Variants in SHANK2 observed in about 807,000 individuals in gnomAD.
The protein encoded by SHANK2 is SH3 and multiple ankyrin repeat domains protein 2.
A neutral mutation model predicts 133.7 loss-of-function variants in SHANK2; 43 were observed. The ratio of observed to expected loss-of-function variants is 0.32; its 90% CI spans 0.25 to 0.41. The LOEUF (loss-of-function observed/expected upper bound fraction) is 0.41. Among genes scored for constraint, SHANK2 ranks in the 10% least tolerant of loss-of-function variants. The probability of loss-of-function intolerance (pLI) is 1.00; values close to 1 mark genes in which losing one functional copy is unlikely to be tolerated. For synonymous variants in SHANK2, 1,017 were observed against 952.8 expected (o/e 1.07, Z -1.24); for missense variants, 1,994 against 2,235.8 (o/e 0.89, Z 2.18).
intron 17 of SHANK2, among the ~76,000 whole-genome samples, chr11:70,574,967 T>G (rs2060097070): frequency 6.6e-6 from 1 of 152,178 alleles, no homozygotes; most frequent in Admixed American, 6.5e-5. Flanking sequence ...GAGTCCCATC[T>G]GTCCTTCAGG....
intron 14 of SHANK2, among the ~76,000 whole-genome samples, chr11:70,723,090 G>A (rs1463706814): frequency 6.6e-6 from 1 of 152,114 alleles, no homozygotes; most frequent in African/African-American, 2.4e-5. Flanking sequence ...GGTCCTTGTG[G>A]TAGACAAACT....
intron 25 of SHANK2, among the ~76,000 whole-genome samples, chr11:70,484,406 G>A (rs782641516): frequency 2.0e-5 from 3 of 151,982 alleles, no homozygotes; most frequent in Non-Finnish European, 4.4e-5. Flanking sequence ...TACCTCCCCC[G>A]ACTCCCTCTT....
intron 17 of SHANK2, among the ~76,000 whole-genome samples, chr11:70,649,289 C>A (rs2061310938): frequency 6.6e-6 from 1 of 152,162 alleles, no homozygotes; most frequent in Admixed American, 6.5e-5. Context: ...CCATGGGACC[C>A]ATCTGAAGAT....
At chr11:70,928,170 C>T (rs1446924806) in intron 10 of SHANK2, among the ~76,000 whole-genome samples, 7 of 152,068 alleles carry the variant, frequency 4.6e-5, no homozygotes, top group Admixed American at 2.0e-4. Context: ...AACTGCATGC[C>T]CTGAAACCCA....
intron 15 of SHANK2, among the ~76,000 whole-genome samples, chr11:70,663,096 G>A (rs114109642): frequency 0.013 from 2,010 of 152,252 alleles, 36 homozygotes; most frequent in African/African-American, 0.035. Flanking sequence ...CCAGGCCAGC[G>A]GCCCAGCCGG....
chr11:70,487,228 C>T lies in SHANK2; in HGVS notation c.3065G>A (p.Ser1022Asn), dbSNP rs1555154287. The T allele has an allele frequency of 6.2e-7, 1 of 1,614,122 alleles. No homozygotes were observed. Among genetic ancestry groups the T allele is most frequent in the Admixed American group, 1.7e-5 (1 of 60,028 alleles). Reference protein sequence around the residue: ...MLVKQSNVEDSPEKTCSIPIP... With the variant: ...MLVKQSNVEDNPEKTCSIPIP... ...AGGGATGGAGCACGTCTTCTCGGGG[C>T]TGTCCTCCACGTTGGACTGCTTCAC... Residue 1022 changes from serine (S) to asparagine (N), a missense_variant, in exon 25 of 26, where the codon AGC (serine) becomes AAC (asparagine). By Grantham distance (46) the Ser-to-Asn change is conservative (BLOSUM62 1). This residue lies in a region of SHANK2 where 488 missense variants were observed against 642.6 expected (regional missense o/e 0.76). Coordinates refer to ENST00000601538, the MANE Select transcript of SHANK2 (RefSeq NM_012309.5). This position sits in a 1 kb window ranked among gnomAD's most constrained non-coding sequence, Gnocchi z 5.8.
rs2060825168 is a variant in SHANK2, at chr11:70,621,229, G to A, written c.2061+38599C>T. 1.3e-5 allele frequency among the ~76,000 whole-genome samples: 2 copies of A among 152,346 alleles called. 1 individual carries two copies. The highest frequency in any genetic ancestry group is 4.1e-4 in the South Asian group (2 of 4,824). On this transcript the variant is annotated intron_variant, in intron 17 of 25. Transcript: ENST00000601538. ...CAATTTCTGGGGTGTCCAAGGGGCA[G>A]TCCTAGACACTTGAGGAGATTAAGT...
chr11:70,795,316 C>CGGCCCATCAGTTTACTTGACCT (rs1271469488), intron 14 of SHANK2, among the ~76,000 whole-genome samples: 1 of 152,042 alleles, frequency 6.6e-6, no homozygotes, highest in Non-Finnish European at 1.5e-5. Flanking sequence ...AGAATTAAGG[C>CGGCCCATCAGTTTACTTGACCT]GGCCCATCAG....
At chr11:70,612,809 G>A (rs548756610) in intron 17 of SHANK2, among the ~76,000 whole-genome samples, 2 of 151,732 alleles carry the variant, frequency 1.3e-5, no homozygotes, top group Non-Finnish European at 2.9e-5. Flanking sequence ...TTTTTCTTTG[G>A]AACTTTCCAT....
chr11:70,687,845 C>T (rs538854055), intron 15 of SHANK2, among the ~76,000 whole-genome samples: 2 of 152,298 alleles, frequency 1.3e-5, no homozygotes, highest in East Asian at 1.9e-4. Flanking sequence ...GTGCTGAATC[C>T]CAGCCCCCCA....
At chr11:70,617,497 G>GA (rs2136431199) in intron 17 of SHANK2, among the ~76,000 whole-genome samples, 1 of 152,264 alleles carries the variant, frequency 6.6e-6, no homozygotes, top group African/African-American at 2.4e-5. Context: ...GTCAAAACGG[G>GA]CAGTCAGAGC....
chr11:70,504,800 C>T (rs1256607352), intron 17 of SHANK2, among the ~76,000 whole-genome samples: 1 of 152,056 alleles, frequency 6.6e-6, no homozygotes. Context: ...CGGGAGTTCT[C>T]GGAGGGCAGA....
At chr11:71,092,369 G>C in intron 8 of SHANK2, 53 bp downstream of exon 8, 8 of 1,544,728 alleles carry the variant, frequency 5.2e-6, no homozygotes, top group Admixed American at 2.0e-5. Flanking sequence ...GATCGGAGGA[G>C]AAGGGGAAGT....
chr11:71,170,423 A>G (rs1307833427), intron 2 of SHANK2, among the ~76,000 whole-genome samples: 1 of 152,254 alleles, frequency 6.6e-6, no homozygotes, highest in Non-Finnish European at 1.5e-5. Context: ...GAGATGCCTA[A>G]GTGTGTAACA....
At chr11:70,676,341 C>T (rs1406553667) in intron 15 of SHANK2, among the ~76,000 whole-genome samples, 9 of 152,220 alleles carry the variant, frequency 5.9e-5, no homozygotes, top group African/African-American at 1.4e-4. Flanking sequence ...CAAGCGGACC[C>T]GAGGTCTGCT....
intron 10 of SHANK2, among the ~76,000 whole-genome samples, chr11:70,935,817 T>C (rs1252760401): frequency 1.3e-5 from 2 of 152,156 alleles, no homozygotes; most frequent in African/African-American, 2.4e-5. Flanking sequence ...CTGAAAAGCA[T>C]AGCGACTCTT....
intron 6 of SHANK2, among the ~76,000 whole-genome samples, chr11:71,095,653 C>T (rs1951597335): frequency 6.6e-6 from 1 of 152,236 alleles, no homozygotes; most frequent in African/African-American, 2.4e-5. Context: ...TCCCATCCCC[C>T]TCCATCCCAG....
At chr11:70,907,842 C>T in intron 10 of SHANK2, 1 of 453,860 alleles carries the variant, frequency 2.2e-6, no homozygotes. Context: ...AGGCTCATGC[C>T]TGTAATCCCA....
intron 17 of SHANK2, among the ~76,000 whole-genome samples, chr11:70,606,506 C>A: frequency 2.0e-5 from 1 of 51,058 alleles, no homozygotes; most frequent in Non-Finnish European, 3.3e-5. Context: ...GAAACCTTGA[C>A]TCAAAAAAAA....
Sources: allele counts gnomAD v4.1 joint callset (sites outside exome capture counted in the v4.1 genomes callset), GRCh38; gene constraint gnomAD v4.1.1; regional missense constraint gnomAD v4.1.1; non-coding constraint Gnocchi (gnomAD v3.1); transcripts MANE v1.5; gene names NCBI Gene and HGNC (gene_info 2026-07-23, HGNC 2026-07-21).